RNF14: variants seen among roughly 807,000 people sequenced by gnomAD.
RNF14 encodes ring finger protein 14.
Under a neutral mutation model 52.6 loss-of-function variants are expected in RNF14, and 26 were observed. That is an observed-to-expected ratio of 0.49 (90% CI 0.36 to 0.69). RNF14 has a LOEUF of 0.69. Among genes scored for constraint, RNF14 ranks in the 30% least tolerant of loss-of-function variants. RNF14 has a pLI of 0.00. For missense variants in RNF14, 404 were observed against 560.4 expected, an observed-to-expected ratio of 0.72 and a Z score of 2.82; for synonymous variants, 194 against 202.0, an observed-to-expected ratio of 0.96 and a Z score of 0.34.
At chr5:141,963,340 A>C (rs780890135), upstream of RNF14, 15 of 151,798 alleles carry the variant, frequency 9.9e-5, no homozygotes, top group Non-Finnish European at 2.2e-4. Context: ...TAATCTGACA[A>C]CTCTGCCCAG....
At chr5:141,985,545 T>TGA (rs1755156427) in intron 8 of RNF14, among the ~76,000 whole-genome samples, 1 of 152,196 alleles carries the variant, frequency 6.6e-6, no homozygotes, top group South Asian at 2.1e-4. Flanking sequence ...TTTGTGTGTG[T>TGA]TTTGTGAACA....
At chr5:141,983,889 A>G (rs1327657805) in intron 7 of RNF14, among the ~76,000 whole-genome samples, 2 of 152,152 alleles carry the variant, frequency 1.3e-5, no homozygotes, top group Non-Finnish European at 2.9e-5. Context: ...TCTCAGAACT[A>G]TTTATCCTGG....
In RNF14 at chr5:141,970,841, G is replaced by T. The variant is rs563473795; in HGVS notation, c.-43G>T. ...CACTCTGAGCTGAAATACAGACTGC[G>T]GTGTTAATATCCTTTTCTTCTGATT... is the stretch of plus-strand genomic sequence containing the variant. On this transcript the variant is annotated 5_prime_UTR_variant, in exon 2 of 9. Coordinates refer to ENST00000394520, the MANE Select transcript of RNF14 (RefSeq NM_004290.5). 2 of 152,356 alleles carry T rather than the reference G, an allele frequency of 1.3e-5. No homozygotes were observed. Among genetic ancestry groups the T allele is most frequent in the Admixed American group, 1.3e-4 (2 of 15,274 alleles). The allele number at this position is 152,356 out of a possible 1,614,324, so 9.4% of individuals were successfully genotyped here.
At chr5:141,963,982 T>G (rs970349222), upstream of RNF14, among the ~76,000 whole-genome samples, 10 of 152,226 alleles carry the variant, frequency 6.6e-5, no homozygotes, top group African/African-American at 2.4e-4. Context: ...CAGAGCCATG[T>G]TACCTTGGGG....
intron 7 of RNF14, among the ~76,000 whole-genome samples, chr5:141,984,152 C>T (rs59211146): frequency 0.013 from 1,972 of 146,296 alleles, 28 homozygotes; most frequent in African/African-American, 0.045. Context: ...GGCTGGAGTG[C>T]GGTAGTGCAA....
At chr5:141,985,744 G>A (rs1056828453) in intron 8 of RNF14, among the ~76,000 whole-genome samples, 3 of 152,040 alleles carry the variant, frequency 2.0e-5, no homozygotes, top group East Asian at 1.9e-4. Context: ...TAGTAGAGAC[G>A]GGGTTTCACC....
chr5:141,957,472 T>C (rs1441186424), upstream of RNF14: 14 of 1,613,072 alleles, frequency 8.7e-6, no homozygotes, highest in Non-Finnish European at 1.2e-5. This position sits in a 1 kb window ranked among gnomAD's most constrained non-coding sequence, Gnocchi z 4.3. Flanking sequence ...GTCATTGATG[T>C]CCAGCACTTG....
intron 3 of RNF14, among the ~76,000 whole-genome samples, chr5:141,974,280 T>C (rs1033453973): frequency 1.3e-5 from 2 of 152,276 alleles, no homozygotes; most frequent in Non-Finnish European, 2.9e-5. Flanking sequence ...GTAAGTGTGG[T>C]AATTTAAATG....
chr5:141,952,594 G>C, the RNF14 span: 1 of 152,252 alleles, frequency 6.6e-6, no homozygotes, highest in Admixed American at 6.5e-5. Flanking sequence ...GACCCTATAG[G>C]CCATTGGAAG....
At chr5:141,962,177 T>G (rs1014520616), upstream of RNF14, among the ~76,000 whole-genome samples, 4 of 152,254 alleles carry the variant, frequency 2.6e-5, no homozygotes. Flanking sequence ...CTTTGTGGAC[T>G]TTGTTGAGAC....
chr5:141,961,545 GT>G (rs1397822486), intron 1 of RNF14, among the ~76,000 whole-genome samples: 1 of 152,160 alleles, frequency 6.6e-6, no homozygotes, highest in Non-Finnish European at 1.5e-5. Flanking sequence ...GTTTTCCTGA[GT>G]TTTGAAAATA....
chr5:141,957,690 G>GCC (rs1596648372), upstream of RNF14: 1 of 1,614,156 alleles, frequency 6.2e-7, no homozygotes, highest in South Asian at 1.1e-5. This position sits in a 1 kb window ranked among gnomAD's most constrained non-coding sequence, Gnocchi z 4.3. Context: ...TCTCCTCCCG[G>GCC]CCCAGTTCCT....
intron 4 of RNF14, 67 bp downstream of exon 4, chr5:141,975,022 C>G: frequency 2.0e-6 from 3 of 1,513,260 alleles, no homozygotes; most frequent in African/African-American, 1.4e-5. Flanking sequence ...TAATTGAAGA[C>G]TATCTTAAAG....
chr5:141,979,499 G>A (rs376826725), intron 5 of RNF14, among the ~76,000 whole-genome samples: 1 of 152,166 alleles, frequency 6.6e-6, no homozygotes, highest in East Asian at 1.9e-4. Context: ...TGATCCTCCC[G>A]CTTTGGCCTC....
chr5:141,951,694 C>T, the RNF14 span: 2 of 842,144 alleles, frequency 2.4e-6, no homozygotes, highest in Non-Finnish European at 4.0e-6. Flanking sequence ...ATAGTCTTTC[C>T]TCTGGCTTCA....
upstream of RNF14, among the ~76,000 whole-genome samples, chr5:141,954,009 G>GA (rs1051936778): frequency 6.6e-6 from 1 of 152,206 alleles, no homozygotes; most frequent in African/African-American, 2.4e-5. Context: ...CTTGTGTCTA[G>GA]AAAATCCCAG....
rs771593152 is a variant in RNF14 at position 141,980,252 on chromosome 5, C to G, written c.964C>G (p.Pro322Ala). The change falls in exon 6 of 9, where the codon CCT (proline) becomes GCT (alanine). Residue 322 changes from proline to alanine, a missense_variant. Physicochemically the swap from Pro to Ala is conservative, Grantham distance 27. Coordinates refer to ENST00000394520, the MANE Select transcript of RNF14 (RefSeq NM_004290.5). ...PCCQLPVMQE[P>A]GCTMGICSSC... is the part of the protein sequence containing the mutation. ...CTGCCAGCTGCCTGTGATGCAGGAA[C>G]CTGGCTGCACCATGGGTATCTGCTC... 2.5e-6 allele frequency: 4 copies of G among 1,614,114 alleles called. No individual in the cohort carries two copies. Among genetic ancestry groups the G allele is most frequent in the Non-Finnish European group, 3.4e-6 (4 of 1,180,042 alleles).
intron 1 of RNF14, among the ~76,000 whole-genome samples, chr5:141,961,553 A>G (rs1047396905): frequency 9.2e-5 from 14 of 152,168 alleles, no homozygotes; most frequent in Non-Finnish European, 1.8e-4. Context: ...GAGTTTTGAA[A>G]ATAGGTTTGA....
In RNF14 at chr5:141,978,524, T is replaced by TG; in HGVS notation, c.529dup (p.Val177GlyfsTer9). 1 of 1,614,190 alleles carries TG rather than the reference T, an allele frequency of 6.2e-7. No individual in the cohort carries two copies. The highest frequency in any genetic ancestry group is 8.5e-7 in the Non-Finnish European group (1 of 1,180,020). Reference sequence around the variant, plus strand: ...ATTTTGGAGGAGCTGCTGGATCTGATGTAGACCAAGAGGAAATTGTGGATG... The same window carrying TG: ...ATTTTGGAGGAGCTGCTGGATCTGATGGTAGACCAAGAGGAAATTGTGGATG... On this transcript the variant is annotated frameshift_variant, in exon 5 of 9. Transcript: ENST00000394520. LOFTEE classifies it high-confidence loss of function.
Sources: allele counts gnomAD v4.1 joint callset (sites outside exome capture counted in the v4.1 genomes callset), GRCh38; gene constraint gnomAD v4.1.1; non-coding constraint Gnocchi (gnomAD v3.1); transcripts MANE v1.5; gene names NCBI Gene and HGNC (gene_info 2026-07-23, HGNC 2026-07-21).